PCSK5: variants seen among roughly 807,000 people sequenced by gnomAD.
PCSK5 encodes the protein prohormone convertase 5.
PCSK5 carries 129 observed loss-of-function variants against 233.2 expected under a neutral mutation model. The observed-to-expected ratio is 0.55, with a 90% CI of 0.48 to 0.64. The LOEUF is 0.64. Ranked by LOEUF, PCSK5 falls within the 30% of genes least tolerant of loss-of-function variation. PCSK5 has a pLI of 0.00. For missense variants in PCSK5, 2,076 were observed against 2,430.1 expected (o/e 0.85, Z 3.06); for synonymous variants, 825 against 879.2 (o/e 0.94, Z 1.09).
rs557445262 is a variant in PCSK5, at chr9:76,201,648, A to G, written c.2626+11902A>G. On this transcript the variant is annotated intron_variant, in intron 20 of 37. Coordinates refer to ENST00000674117, the MANE Select transcript of PCSK5 (RefSeq NM_001372043.1). The stretch of plus-strand genomic sequence containing the variant: ...ACCCAGGAGTACACACTGTGGCTAC[A>G]TCATGCTTTGTGTGAACAAGGCAGG... Among the ~76,000 whole-genome samples, 22 of 152,338 alleles carry G rather than the reference A, an allele frequency of 1.4e-4. No homozygotes were observed. The South Asian group carries it at 1.7e-3, about 11-fold the overall frequency.
chr9:75,902,171 G>T (rs1054279105), intron 1 of PCSK5, among the ~76,000 whole-genome samples: 1 of 130,674 alleles, frequency 7.7e-6, no homozygotes, highest in African/African-American at 3.0e-5. Flanking sequence ...AGCCAAGATC[G>T]CGCCACTGCA....
intron 35 of PCSK5, among the ~76,000 whole-genome samples, chr9:76,347,644 A>T (rs1353240196): frequency 6.6e-6 from 1 of 152,086 alleles, no homozygotes; most frequent in African/African-American, 2.4e-5. Context: ...TAATCCCAGC[A>T]CTTTGGGAGG....
intron 2 of PCSK5, among the ~76,000 whole-genome samples, chr9:75,947,971 A>T (rs552788153): frequency 6.6e-6 from 1 of 152,160 alleles, no homozygotes; most frequent in East Asian, 1.9e-4. Context: ...CCTCTTGAGG[A>T]GCTGGGACCA....
chr9:76,188,302 G>C (rs1179565800), intron 17 of PCSK5, among the ~76,000 whole-genome samples: 1 of 152,152 alleles, frequency 6.6e-6, no homozygotes, highest in African/African-American at 2.4e-5. Flanking sequence ...GCGCAAAGTA[G>C]GAGTGTGCCC....
At chr9:76,211,933 C>A (rs1165399547) in intron 20 of PCSK5, among the ~76,000 whole-genome samples, 1 of 152,188 alleles carries the variant, frequency 6.6e-6, no homozygotes, top group Non-Finnish European at 1.5e-5. Flanking sequence ...CCGCCATGAG[C>A]ATTCACCCCC....
At chr9:76,065,652 C>T (rs1383149328) in intron 5 of PCSK5, among the ~76,000 whole-genome samples, 1 of 152,120 alleles carries the variant, frequency 6.6e-6, no homozygotes, top group Non-Finnish European at 1.5e-5. Context: ...AGGTTTTTAG[C>T]TTTATATAAT....
At chr9:76,111,898 G>C (rs1215467483) in intron 9 of PCSK5, among the ~76,000 whole-genome samples, 1 of 152,054 alleles carries the variant, frequency 6.6e-6, no homozygotes, top group Non-Finnish European at 1.5e-5. Context: ...AAATAAAAGA[G>C]CTTGCTGTTA....
At chr9:75,930,206 G>A (rs1247026354) in intron 1 of PCSK5, among the ~76,000 whole-genome samples, 1 of 152,094 alleles carries the variant, frequency 6.6e-6, no homozygotes, top group Non-Finnish European at 1.5e-5. Flanking sequence ...AGTATGGGGG[G>A]AACCCACCCC....
intron 33 of PCSK5, among the ~76,000 whole-genome samples, chr9:76,331,313 G>A (rs1326018548): frequency 6.6e-6 from 1 of 152,162 alleles, no homozygotes; most frequent in African/African-American, 2.4e-5. Flanking sequence ...TCTCGGCATA[G>A]AGAGATTATC....
chr9:75,897,721 G>C (rs1587327251), intron 1 of PCSK5, among the ~76,000 whole-genome samples: 1 of 151,950 alleles, frequency 6.6e-6, no homozygotes, highest in Non-Finnish European at 1.5e-5. Flanking sequence ...TCCAACTCCT[G>C]ATCTCAAGTG....
chr9:76,085,863 A>G lies in PCSK5; in HGVS notation c.895-10027A>G, dbSNP rs1469481136. Among the ~76,000 whole-genome samples, 3 of 152,178 alleles carry G rather than the reference A, an allele frequency of 2.0e-5. No homozygotes were observed. In the South Asian group the frequency reaches 6.2e-4, roughly 32 times the overall value. ...ATTTCATAATCTAGAGCTAACTTAG[A>G]GAAGAGTATGAACTTTCCATTATTG... On this transcript the variant is annotated intron_variant, in intron 7 of 37. Coordinates refer to ENST00000674117, the MANE Select transcript of PCSK5 (RefSeq NM_001372043.1).
intron 1 of PCSK5, among the ~76,000 whole-genome samples, chr9:75,930,862 A>G (rs1440127961): frequency 6.6e-6 from 1 of 152,138 alleles, no homozygotes; most frequent in East Asian, 1.9e-4. Flanking sequence ...AGTCCTCTGG[A>G]ATCTTAAAAT....
At chr9:76,060,039 T>G (rs1829970582) in intron 5 of PCSK5, among the ~76,000 whole-genome samples, 2 of 152,156 alleles carry the variant, frequency 1.3e-5, no homozygotes, top group African/African-American at 4.8e-5. Context: ...CTTTTCACAT[T>G]TGTAGAATAA....
intron 10 of PCSK5, among the ~76,000 whole-genome samples, chr9:76,136,559 G>A (rs1283525385): frequency 6.6e-6 from 1 of 152,032 alleles, no homozygotes; most frequent in African/African-American, 2.4e-5. Flanking sequence ...GAAGTTGCCT[G>A]CCTACAGAAG....
intron 9 of PCSK5, among the ~76,000 whole-genome samples, chr9:76,125,166 T>C (rs1383310048): frequency 6.6e-6 from 1 of 152,122 alleles, no homozygotes; most frequent in East Asian, 1.9e-4. Context: ...ATGTCCTTGC[T>C]CTGCTTAGCC....
intron 2 of PCSK5, among the ~76,000 whole-genome samples, chr9:75,955,293 G>A (rs927678564): frequency 6.6e-6 from 1 of 152,108 alleles, no homozygotes; most frequent in African/African-American, 2.4e-5. Flanking sequence ...AGCAGGAAGG[G>A]GGAAAGGAAC....
chr9:76,222,942 GATA>G (rs906910731), intron 20 of PCSK5, among the ~76,000 whole-genome samples: 4 of 152,154 alleles, frequency 2.6e-5, no homozygotes, highest in African/African-American at 9.7e-5. Flanking sequence ...CTTGCAAAGA[GATA>G]ATATTATTTG....
chr9:76,107,388 A>T, intron 9 of PCSK5, 37 bp downstream of exon 9: 1 of 1,378,118 alleles, frequency 7.3e-7, no homozygotes, highest in East Asian at 2.3e-5. Flanking sequence ...AATGGTGACA[A>T]CCCCTGATCT....
At chr9:75,958,523 G>A (rs1298823314) in intron 2 of PCSK5, among the ~76,000 whole-genome samples, 1 of 152,164 alleles carries the variant, frequency 6.6e-6, no homozygotes, top group Non-Finnish European at 1.5e-5. Flanking sequence ...TGGTTCAGGG[G>A]AAGAGTATGA....
Sources: gnomAD v4.1 joint callset for allele counts (sites outside exome capture counted in the v4.1 genomes callset) on GRCh38, gnomAD v4.1.1 for gene constraint, MANE v1.5 for transcripts, NCBI Gene and HGNC (gene_info 2026-07-23, HGNC 2026-07-21) for gene names.